Variants in FBXO45 observed in about 807,000 individuals in gnomAD.
FBXO45 encodes F-box/SPRY domain-containing protein 1.
A neutral mutation model predicts 25.5 loss-of-function variants in FBXO45; 3 were observed. The ratio of observed to expected loss-of-function variants is 0.12; its 90% CI spans 0.05 to 0.30. The LOEUF (loss-of-function observed/expected upper bound fraction) is 0.30. Among genes scored for constraint, FBXO45 ranks in the 10% least tolerant of loss-of-function variants. FBXO45 has a pLI of 1.00. For missense variants in FBXO45, 219 were observed against 365.0 expected, an observed-to-expected ratio of 0.60 and a Z score of 3.26; for synonymous variants, 155 against 149.8, an observed-to-expected ratio of 1.03 and a Z score of -0.25.
Position 196,577,620 on chromosome 3 carries a change from G to A in FBXO45, c.486G>A (p.Glu162=), listed in dbSNP as rs1447962269. 6.2e-7 allele frequency: 1 copy of A among 1,613,792 alleles called. No homozygotes were observed. The highest frequency in any genetic ancestry group is 1.1e-5 in the South Asian group (1 of 91,052). The change falls in exon 2 of 3, where the codon GAG becomes GAA. Residue 162 remains glutamate, a synonymous_variant. Coordinates refer to ENST00000311630, the MANE Select transcript of FBXO45 (RefSeq NM_001105573.2). ...GCCATGCATGGGAAGTGTGGTGGGA[G>A]GGCCCTCTGGGCACTGTGGCAGTGA... ...EGRHAWEVWW[E]GPLGTVAVIG...
At chr3:196,574,814 G>A (rs1378423227) in intron 1 of FBXO45, among the ~76,000 whole-genome samples, 1 of 152,196 alleles carries the variant, frequency 6.6e-6, no homozygotes, top group African/African-American at 2.4e-5. Flanking sequence ...TAATAGAGGT[G>A]ATCTTAGAGA....
chr3:196,569,071 C>T lies in FBXO45; in HGVS notation c.87C>T (p.Gly29=). 3 of 1,400,600 alleles carry T rather than the reference C, an allele frequency of 2.1e-6. No homozygotes were observed. Among genetic ancestry groups the T allele is most frequent in the Non-Finnish European group, 2.8e-6 (3 of 1,059,822 alleles). The allele number at this position is 1,400,600 out of a possible 1,614,324, so 86.8% of individuals were successfully genotyped here. A position where few individuals can be genotyped will look rare whatever the true frequency, so the allele number is the denominator to read the frequency against. ...GCGCGGGCGCGGGCGCGGGCTCGGG[C>T]TCTGGGGCCGCGGGGGCCGGGGGCC... ...GGGAGAGAGS[G]SGAAGAGGRL... Residue 29 remains glycine, a synonymous_variant, in exon 1 of 3, where the codon GGC becomes GGT. Coordinates refer to ENST00000311630, the MANE Select transcript of FBXO45 (RefSeq NM_001105573.2). The surrounding 1 kb of genome is among the most constrained non-coding windows in gnomAD (Gnocchi z 4.1).
rs1735753381 is a variant in FBXO45 at position 196,569,701 on chromosome 3, C to T, written c.318+399C>T. On this transcript the variant is annotated intron_variant, in intron 1 of 2. Transcript: ENST00000311630. The surrounding 1 kb of genome is among the most constrained non-coding windows in gnomAD (Gnocchi z 4.1). Reference sequence around the variant, plus strand: ...TAACATGGGCTTAGTTTCTAAGTTTCTAAGTTTCTAGTTTGCTTTCACTCC... The same window carrying T: ...TAACATGGGCTTAGTTTCTAAGTTTTTAAGTTTCTAGTTTGCTTTCACTCC... Among the ~76,000 whole-genome samples the T allele has an allele frequency of 6.6e-6, 1 of 152,162 alleles. No homozygotes were observed. Among genetic ancestry groups the T allele is most frequent in the African/African-American group, 2.4e-5 (1 of 41,436 alleles).
chr3:196,572,014 T>TAGAA (rs1560316460), intron 1 of FBXO45, among the ~76,000 whole-genome samples: 1 of 152,218 alleles, frequency 6.6e-6, no homozygotes, highest in Non-Finnish European at 1.5e-5. Flanking sequence ...AAAAGTATAC[T>TAGAA]AGAAGTTCAG....
chr3:196,571,983 T>C (rs1330685558), intron 1 of FBXO45, among the ~76,000 whole-genome samples: 1 of 152,212 alleles, frequency 6.6e-6, no homozygotes, highest in Non-Finnish European at 1.5e-5. Flanking sequence ...TAGAAATTGC[T>C]CCTTACTGTT....
At chr3:196,572,061 A>G (rs1401752162) in intron 1 of FBXO45, among the ~76,000 whole-genome samples, 1 of 152,204 alleles carries the variant, frequency 6.6e-6, no homozygotes, top group African/African-American at 2.4e-5. Flanking sequence ...GGAGGATTGG[A>G]GGAGATTTGA....
rs1409886514 is a variant in FBXO45, at chr3:196,569,081, G to GCGGGGGC, written c.108_114dup (p.Leu39GlyfsTer38). 2.8e-6 allele frequency: 4 copies of GCGGGGGC among 1,434,354 alleles called. No homozygotes were observed. The highest frequency in any genetic ancestry group is 1.5e-5 in the African/African-American group (1 of 68,576). The allele number at this position is 1,434,354 out of a possible 1,614,324, so 88.9% of individuals were successfully genotyped here. ...GGGCGCGGGCTCGGGCTCTGGGGCC[G>GCGGGGGC]CGGGGGCCGGGGGCCGGCTGCCCAG... On this transcript the variant is annotated frameshift_variant, in exon 1 of 3. Transcript: ENST00000311630. LOFTEE classifies it high-confidence loss of function. This position sits in a 1 kb window ranked among gnomAD's most constrained non-coding sequence, Gnocchi z 4.1.
chr3:196,583,772 G>T (rs1296113731), intron 2 of FBXO45, among the ~76,000 whole-genome samples: 1 of 152,140 alleles, frequency 6.6e-6, no homozygotes, highest in Non-Finnish European at 1.5e-5. Context: ...CTAGGCTGGA[G>T]TGCAGTGGGC....
rs1735706899 is a variant in FBXO45, at chr3:196,568,908, G to A, written c.-77G>A. ...GTGAGCGAGCCGCTCCGGTCTCCGG[G>A]CGAGGCTTGGCCTTCCGAGCAGAGA... On this transcript the variant is annotated 5_prime_UTR_variant, in exon 1 of 3. Transcript: ENST00000311630. The A allele has an allele frequency of 6.7e-5, 65 of 967,236 alleles. No homozygotes were observed. The highest frequency in any genetic ancestry group is 8.0e-5 in the Non-Finnish European group (65 of 812,176). 59.9% of individuals were successfully genotyped at this position (967,236 alleles called of 1,614,324 possible).
At chr3:196,573,502 A>G (rs1280638704) in intron 1 of FBXO45, among the ~76,000 whole-genome samples, 1 of 152,208 alleles carries the variant, frequency 6.6e-6, no homozygotes, top group African/African-American at 2.4e-5. Context: ...GTTAGTGCCT[A>G]TACCAGAGAT....
chr3:196,586,651 T>A lies in FBXO45; in HGVS notation c.*2333T>A, dbSNP rs1206052752. ...GGAGAGCATTTCGGTAGAAGACAGT[T>A]GCGCCTGAAGATTGAGTGTAAATCA... On this transcript the variant is annotated 3_prime_UTR_variant, in exon 3 of 3. Coordinates refer to ENST00000311630, the MANE Select transcript of FBXO45 (RefSeq NM_001105573.2). The A allele has an allele frequency of 6.6e-6, 1 of 152,190 alleles. No homozygotes were observed. Among genetic ancestry groups the A allele is most frequent in the Non-Finnish European group, 1.5e-5 (1 of 68,034 alleles). 9.4% of individuals were successfully genotyped at this position (152,190 alleles called of 1,614,324 possible).
At chr3:196,576,282 A>G (rs1367032209) in intron 1 of FBXO45, among the ~76,000 whole-genome samples, 1 of 152,158 alleles carries the variant, frequency 6.6e-6, no homozygotes, top group Non-Finnish European at 1.5e-5. Context: ...CTAAATGCTG[A>G]CATTCTATGC....
intron 1 of FBXO45, among the ~76,000 whole-genome samples, chr3:196,572,370 G>A (rs1420980031): frequency 6.6e-6 from 1 of 152,154 alleles, no homozygotes; most frequent in Non-Finnish European, 1.5e-5. Context: ...GTAGTATGAA[G>A]GAAAAATACC....
rs1256133615 is a variant in FBXO45, at chr3:196,569,812, A to G, written c.318+510A>G. On this transcript the variant is annotated intron_variant, in intron 1 of 2. Coordinates refer to ENST00000311630, the MANE Select transcript of FBXO45 (RefSeq NM_001105573.2). The surrounding 1 kb of genome is among the most constrained non-coding windows in gnomAD (Gnocchi z 4.1). Reference sequence around the variant, plus strand: ...CAAGTTCTCTTTAGTTCCCTCCACTATATTGGAGGCTTACAAGTGAGTGTA... The same window carrying G: ...CAAGTTCTCTTTAGTTCCCTCCACTGTATTGGAGGCTTACAAGTGAGTGTA... Among the ~76,000 whole-genome samples the G allele has an allele frequency of 2.0e-5, 3 of 152,114 alleles. No homozygotes were observed. Among genetic ancestry groups the G allele is most frequent in the East Asian group, 1.9e-4 (1 of 5,202 alleles).
rs371274015 is a variant in FBXO45, at chr3:196,580,479, G to A, written c.675+2670G>A. On this transcript the variant is annotated intron_variant, in intron 2 of 2. Coordinates refer to ENST00000311630, the MANE Select transcript of FBXO45 (RefSeq NM_001105573.2). The stretch of plus-strand genomic sequence containing the variant: ...CCTGCCTCAGCCTCCCAAAGTGCTC[G>A]GATTACAGGCATGAGCCACCATGCC... Among the ~76,000 whole-genome samples, 5 of 152,202 alleles carry A rather than the reference G, an allele frequency of 3.3e-5. No individual in the cohort carries two copies. The East Asian group carries it at 5.8e-4, about 18-fold the overall frequency.
intron 1 of FBXO45, among the ~76,000 whole-genome samples, chr3:196,576,494 G>A (rs182800972): frequency 2.6e-5 from 4 of 152,178 alleles, no homozygotes; most frequent in African/African-American, 2.4e-5. Flanking sequence ...GCTGCAGTGC[G>A]CTACGATTGT....
At chr3:196,571,508 T>A (rs1735826237) in intron 1 of FBXO45, among the ~76,000 whole-genome samples, 1 of 152,162 alleles carries the variant, frequency 6.6e-6, no homozygotes, top group South Asian at 2.1e-4. Flanking sequence ...TTACAGGCAT[T>A]AGCCACTGCA....
chr3:196,578,857 C>G (rs1228854568), intron 2 of FBXO45, among the ~76,000 whole-genome samples: 1 of 151,950 alleles, frequency 6.6e-6, no homozygotes, highest in South Asian at 2.1e-4. Context: ...TATGTGTGGC[C>G]CAAAACAATT....
intron 2 of FBXO45, among the ~76,000 whole-genome samples, chr3:196,579,545 G>A (rs1362153044): frequency 6.6e-6 from 1 of 152,170 alleles, no homozygotes. Flanking sequence ...AATTTATTGA[G>A]ATTTGTTTTA....
Sources: allele counts gnomAD v4.1 joint callset (sites outside exome capture counted in the v4.1 genomes callset), GRCh38; gene constraint gnomAD v4.1.1; non-coding constraint Gnocchi (gnomAD v3.1); transcripts MANE v1.5; gene names NCBI Gene and HGNC (gene_info 2026-07-23, HGNC 2026-07-21).